The following PRRC2C variants were observed in gnomAD, a reference collection of about 807,000 sequenced individuals.
The protein encoded by PRRC2C is protein PRRC2C.
PRRC2C carries 72 observed loss-of-function variants against 317.2 expected under a neutral mutation model. That is an observed-to-expected ratio of 0.23 (90% confidence interval 0.19 to 0.28). PRRC2C has a LOEUF of 0.28. Ranked by LOEUF, PRRC2C falls within the 10% of genes least tolerant of loss-of-function variation. The probability of loss-of-function intolerance (pLI) is 1.00; values close to 1 mark genes in which losing one functional copy is unlikely to be tolerated. For synonymous variants in PRRC2C, 1,296 were observed against 1,205.9 expected, an observed-to-expected ratio of 1.07 and a Z score of -1.55; for missense variants, 3,074 against 3,459.7, an observed-to-expected ratio of 0.89 and a Z score of 2.80.
chr1:171,591,941 T>C lies in PRRC2C; in HGVS notation c.*94T>C, dbSNP rs919647789. ...TGGCAGCCAAAGGGGCAAAATGGCC[T>C]GTGACATTATCCTGTTCAGAGCTTG... On this transcript the variant is annotated 3_prime_UTR_variant, in exon 35 of 35. Transcript: ENST00000647382. 5 of 1,455,368 alleles carry C rather than the reference T, an allele frequency of 3.4e-6. No homozygotes were observed. The highest frequency in any genetic ancestry group is 2.8e-5 in the African/African-American group (2 of 70,546). The allele number at this position is 1,455,368 out of a possible 1,614,324, so 90.2% of individuals were successfully genotyped here.
intron 18 of PRRC2C, among the ~76,000 whole-genome samples, chr1:171,552,680 T>C (rs1680510431): frequency 6.6e-6 from 1 of 152,222 alleles, no homozygotes; most frequent in Non-Finnish European, 1.5e-5. Context: ...GAAGTGCTAT[T>C]GAATTTTGTC....
chr1:171,557,704 C>T lies in PRRC2C; in HGVS notation c.5592C>T (p.Pro1864=). Reference sequence around the variant, plus strand: ...CCATTCTTGCCTCAGCCTCAATTCCCATTCTTGCTTCAGCCCTAGCATCAA... The same window carrying T: ...CCATTCTTGCCTCAGCCTCAATTCCTATTCTTGCTTCAGCCCTAGCATCAA... ...SVTILASASI[P]ILASALASTS... is the part of the protein sequence containing the mutation. Residue 1864 remains proline, a synonymous_variant, in exon 19 of 35, where the codon CCC becomes CCT. Transcript: ENST00000647382. The T allele has an allele frequency of 6.4e-7, 1 of 1,551,512 alleles. No homozygotes were observed. The highest frequency in any genetic ancestry group is 8.7e-7 in the Non-Finnish European group (1 of 1,146,960).
At chr1:171,591,116 T>C in intron 34 of PRRC2C, 1 of 959,114 alleles carries the variant, frequency 1.0e-6, no homozygotes, top group Non-Finnish European at 1.2e-6. Flanking sequence ...TCAAGTGAAG[T>C]CGTAGTTACT....
At chr1:171,501,587 C>G (rs1191091388) in intron 1 of PRRC2C, among the ~76,000 whole-genome samples, 1 of 152,192 alleles carries the variant, frequency 6.6e-6, no homozygotes, top group Non-Finnish European at 1.5e-5. Context: ...TTTGTTTTTA[C>G]AGGCTGATCC....
intron 20 of PRRC2C, among the ~76,000 whole-genome samples, chr1:171,563,747 CAA>C (rs1413073861): frequency 3.3e-5 from 5 of 152,092 alleles, no homozygotes; most frequent in Admixed American, 6.5e-5. Flanking sequence ...CTCTAAAACT[CAA>C]GAGTCACTGC....
At chr1:171,590,963 G>A (rs1651291999) in intron 34 of PRRC2C, among the ~76,000 whole-genome samples, 1 of 152,282 alleles carries the variant, frequency 6.6e-6, no homozygotes, top group Non-Finnish European at 1.5e-5. Context: ...ATGCAAGAAG[G>A]ATGGAAACTT....
chr1:171,566,161 G>A (rs1318594576), intron 20 of PRRC2C, 72 bp from the exon 21 acceptor site: 3 of 1,255,108 alleles, frequency 2.4e-6, no homozygotes, highest in African/African-American at 1.5e-5. Context: ...TACTTAAACT[G>A]TATAGTGCTT....
chr1:171,579,712 T>A, intron 27 of PRRC2C, 116 bp from the exon 28 acceptor site: 1 of 1,313,592 alleles, frequency 7.6e-7, no homozygotes, highest in South Asian at 1.8e-5. Context: ...AAAATGGAGC[T>A]GATATATAGT....
At chr1:171,516,862 A>G (rs1334567748) in intron 5 of PRRC2C, among the ~76,000 whole-genome samples, 1 of 152,184 alleles carries the variant, frequency 6.6e-6, no homozygotes, top group Non-Finnish European at 1.5e-5. Flanking sequence ...TCTGCAGAAT[A>G]AATGATGAGA....
chr1:171,549,889 A>T (rs1679870704), intron 17 of PRRC2C, among the ~76,000 whole-genome samples, 197 bp from the exon 18 acceptor site: 1 of 152,062 alleles, frequency 6.6e-6, no homozygotes, highest in African/African-American at 2.4e-5. Context: ...TTTCAACTTT[A>T]AGAGTATGAA....
At position 171,583,124 on chromosome 1, in the gene PRRC2C, C is replaced by G. The variant is rs186752701; in HGVS notation, c.7410-832C>G. On this transcript the variant is annotated intron_variant, in intron 28 of 34. Transcript: ENST00000647382. ...AAGTAGCTAGGACTACAGGCACTTG[C>G]TACCATGCCCACCTAATTTTTTATT... 9.9e-4 allele frequency among the ~76,000 whole-genome samples: 150 copies of G among 152,130 alleles called. No homozygotes were observed. The Middle Eastern group carries it at 0.017, about 17-fold the overall frequency.
chr1:171,542,377 T>C, intron 16 of PRRC2C, 148 bp downstream of exon 16: 1 of 798,242 alleles, frequency 1.3e-6, no homozygotes, highest in Non-Finnish European at 1.9e-6. Context: ...GTTCTCAAAG[T>C]GTAAGGGTGC....
chr1:171,513,320 T>A (rs1266275150), intron 3 of PRRC2C, 148 bp downstream of exon 3: 1 of 935,742 alleles, frequency 1.1e-6, no homozygotes, highest in African/African-American at 1.7e-5. Flanking sequence ...CTATAGTAAC[T>A]TTTGGTTAAT....
intron 17 of PRRC2C, among the ~76,000 whole-genome samples, chr1:171,547,534 A>G (rs978445204): frequency 6.6e-6 from 1 of 152,196 alleles, no homozygotes; most frequent in East Asian, 1.9e-4. Flanking sequence ...GCTTCATTTT[A>G]CAGAGTTAAT....
rs60519098 is a variant in PRRC2C at position 171,497,981 on chromosome 1, ATTTTT to A, written c.-58+12266_-58+12270del. On this transcript the variant is annotated intron_variant, in intron 1 of 34. Coordinates refer to ENST00000647382, the MANE Select transcript of PRRC2C (RefSeq NM_001387844.1). ...AGGCATGAGCCACCATACCCAGCTAATTTTTTTTTTTTTTTTTTTTTTTTAAGAAA... is the reference window on the plus strand; with the variant it reads ...AGGCATGAGCCACCATACCCAGCTAATTTTTTTTTTTTTTTTTTTAAGAAA... 3.1e-3 allele frequency among the ~76,000 whole-genome samples: 405 copies of A among 130,660 alleles called. 1 individual carries two copies. The highest frequency in any genetic ancestry group is 7.9e-3 in the Middle Eastern group (2 of 254). 85.7% of individuals were successfully genotyped at this position (130,660 alleles called of 152,430 possible). A position where few individuals can be genotyped will look rare whatever the true frequency, so the allele number is the denominator to read the frequency against.
At chr1:171,551,782 T>C in intron 18 of PRRC2C, among the ~76,000 whole-genome samples, 1 of 152,108 alleles carries the variant, frequency 6.6e-6, no homozygotes, top group Non-Finnish European at 1.5e-5. Flanking sequence ...AGATGGGTGG[T>C]GTTATTTCTG....
chr1:171,539,007 AT>A (rs34762890), intron 15 of PRRC2C, among the ~76,000 whole-genome samples: 23,006 of 126,476 alleles, frequency 0.18, 1,774 homozygotes, highest in Middle Eastern at 0.39. Flanking sequence ...CTTCAGGCCC[AT>A]TTTTTTTTTT....
intron 16 of PRRC2C, among the ~76,000 whole-genome samples, chr1:171,542,684 A>T (rs985577104): frequency 3.9e-5 from 6 of 152,234 alleles, no homozygotes; most frequent in Non-Finnish European, 7.3e-5. Flanking sequence ...ACTACCAAGG[A>T]CACCAATAAC....
intron 19 of PRRC2C, 130 bp from the exon 20 acceptor site, chr1:171,560,888 T>A: frequency 1.3e-6 from 1 of 778,884 alleles, no homozygotes. Flanking sequence ...TAAGTCTGAT[T>A]TGAAAAGTGA....
Sources: gnomAD v4.1 joint callset for allele counts (sites outside exome capture counted in the v4.1 genomes callset) on GRCh38, gnomAD v4.1.1 for gene constraint, MANE v1.5 for transcripts, NCBI Gene and HGNC (gene_info 2026-07-23, HGNC 2026-07-21) for gene names.